Variants in SLC1A1 observed in about 807,000 individuals in gnomAD.
SLC1A1 encodes the protein excitatory amino acid transporter 3.
Under a neutral mutation model 53.3 loss-of-function variants are expected in SLC1A1, and 43 were observed. The ratio of observed to expected loss-of-function variants is 0.81; its 90% CI spans 0.63 to 1.04. The LOEUF is 1.04. Among genes scored for constraint, SLC1A1 ranks in the 50% least tolerant of loss-of-function variants. The pLI is 0.00. For synonymous variants in SLC1A1, 307 were observed against 243.2 expected (o/e 1.26, Z -2.44); for missense variants, 748 against 664.9 (o/e 1.12, Z -1.37).
In SLC1A1 at chr9:4,587,069, G is replaced by C. The variant is rs1821620533; in HGVS notation, c.*1511G>C. 1.3e-5 allele frequency: 2 copies of C among 152,574 alleles called. No homozygotes were observed. Among genetic ancestry groups the C allele is most frequent in the Non-Finnish European group, 2.9e-5 (2 of 68,022 alleles). 9.5% of individuals were successfully genotyped at this position (152,574 alleles called of 1,614,324 possible). On this transcript the variant is annotated 3_prime_UTR_variant, in exon 12 of 12. Transcript: ENST00000262352. ...CTTAAACCTGTGCTTTCATGTTTAA[G>C]AAATGAGAAATTGTGCCAAAGATAG...
chr9:4,525,522 T>C (rs1420986303), intron 1 of SLC1A1, among the ~76,000 whole-genome samples: 1 of 152,072 alleles, frequency 6.6e-6, no homozygotes, highest in Non-Finnish European at 1.5e-5. Context: ...AAAGACCCAG[T>C]AGGAGAATAG....
At chr9:4,565,281 T>C (rs181614411) in intron 4 of SLC1A1, among the ~76,000 whole-genome samples, 56 of 152,326 alleles carry the variant, frequency 3.7e-4, no homozygotes, top group African/African-American at 7.2e-4. Context: ...GCAGTAATTA[T>C]GATGATATTT....
At chr9:4,555,440 G>T (rs917622420) in intron 2 of SLC1A1, among the ~76,000 whole-genome samples, 3 of 152,166 alleles carry the variant, frequency 2.0e-5, no homozygotes, top group African/African-American at 7.2e-5. Context: ...TTTAAAACAT[G>T]CTATTGTTTA....
intron 1 of SLC1A1, among the ~76,000 whole-genome samples, chr9:4,539,269 G>GA (rs1236365333): frequency 6.6e-6 from 1 of 152,106 alleles, no homozygotes; most frequent in Non-Finnish European, 1.5e-5. Context: ...TTAGGACCTG[G>GA]AAAAAACGAG....
intron 1 of SLC1A1, among the ~76,000 whole-genome samples, chr9:4,502,556 T>G (rs1423981928): frequency 6.6e-6 from 1 of 151,556 alleles, no homozygotes; most frequent in Non-Finnish European, 1.5e-5. Context: ...TATCTCCCAT[T>G]TGACCCTCAG....
intron 5 of SLC1A1, among the ~76,000 whole-genome samples, 184 bp downstream of exon 5, chr9:4,566,273 G>A (rs1413048960): frequency 6.6e-6 from 1 of 152,180 alleles, no homozygotes; most frequent in Non-Finnish European, 1.5e-5. Context: ...CTGGCTCACA[G>A]TAAGGTGCAT....
chr9:4,534,276 G>GT (rs1816590131), intron 1 of SLC1A1, among the ~76,000 whole-genome samples: 1 of 152,182 alleles, frequency 6.6e-6, no homozygotes, highest in South Asian at 2.1e-4. Context: ...CCAGGAGCTG[G>GT]TTTTTTGAAA....
intron 1 of SLC1A1, among the ~76,000 whole-genome samples, chr9:4,503,424 A>G (rs1820700117): frequency 6.6e-6 from 1 of 152,002 alleles, no homozygotes; most frequent in East Asian, 1.9e-4. Flanking sequence ...CTCTCAGTCC[A>G]TTGGTGGCAA....
rs1821273011 is a variant in SLC1A1, at chr9:4,583,257, C to G, written c.1328+85C>G. 4.5e-6 allele frequency: 7 copies of G among 1,554,546 alleles called. No individual in the cohort carries two copies. Among genetic ancestry groups the G allele is most frequent in the Non-Finnish European group, 6.2e-6 (7 of 1,127,508 alleles). ...AGGCGCTGCAGTCTGTCATCATTCT[C>G]TCCTCAGATTGCCTAATGAGCCACC... On this transcript the variant is annotated intron_variant, in intron 11 of 11. Transcript: ENST00000262352. This position sits in a 1 kb window ranked among gnomAD's most constrained non-coding sequence, Gnocchi z 4.6.
intron 1 of SLC1A1, among the ~76,000 whole-genome samples, chr9:4,524,833 A>T (rs2130838771): frequency 6.6e-6 from 1 of 152,326 alleles, no homozygotes; most frequent in East Asian, 1.9e-4. Flanking sequence ...ACTCTTGAGT[A>T]TACTAATCCA....
intron 1 of SLC1A1, among the ~76,000 whole-genome samples, chr9:4,533,343 G>C (rs1359737546): frequency 6.6e-6 from 1 of 152,120 alleles, no homozygotes; most frequent in Non-Finnish European, 1.5e-5. Flanking sequence ...GACACAAATA[G>C]GCTCAAAATA....
At chr9:4,497,506 G>C (rs1228807568) in intron 1 of SLC1A1, among the ~76,000 whole-genome samples, 2 of 152,160 alleles carry the variant, frequency 1.3e-5, no homozygotes, top group African/African-American at 2.4e-5. Flanking sequence ...GAATTGCTGA[G>C]CCATTTATGA....
chr9:4,546,665 T>TA (rs1215669875), intron 2 of SLC1A1, among the ~76,000 whole-genome samples: 2 of 152,186 alleles, frequency 1.3e-5, no homozygotes, highest in Non-Finnish European at 2.9e-5. Context: ...AAAGATTCTT[T>TA]AAAAAAATGT....
chr9:4,557,644 T>C (rs1818543935), intron 2 of SLC1A1, among the ~76,000 whole-genome samples: 1 of 151,160 alleles, frequency 6.6e-6, no homozygotes, highest in Admixed American at 6.6e-5. Flanking sequence ...AAAATTAAAA[T>C]AGATTAATTA....
chr9:4,577,917 G>C (rs1026861784), intron 10 of SLC1A1, among the ~76,000 whole-genome samples: 9 of 152,212 alleles, frequency 5.9e-5, no homozygotes, highest in Non-Finnish European at 1.2e-4. Context: ...TTGGAGAAGA[G>C]CTAATGAATT....
Position 4,544,722 on chromosome 9 carries a change from C to G in SLC1A1, c.232+15C>G. The G allele has an allele frequency of 6.2e-7, 1 of 1,600,696 alleles. No individual in the cohort carries two copies. The highest frequency in any genetic ancestry group is 1.1e-5 in the South Asian group (1 of 90,794). ...CATGATTACAGGTACCTTGAGAAAACAGATGTTCTCTATATTAGTCCATTT... is the reference window on the plus strand; with the variant it reads ...CATGATTACAGGTACCTTGAGAAAAGAGATGTTCTCTATATTAGTCCATTT... On this transcript the variant is annotated intron_variant, in intron 2 of 11. Transcript: ENST00000262352.
intron 1 of SLC1A1, among the ~76,000 whole-genome samples, chr9:4,520,284 T>C (rs966999665): frequency 6.6e-6 from 1 of 152,202 alleles, no homozygotes; most frequent in African/African-American, 2.4e-5. Context: ...GTGCTATTAG[T>C]ATGATGATTA....
At chr9:4,509,964 G>C (rs1291790056) in intron 1 of SLC1A1, among the ~76,000 whole-genome samples, 1 of 152,156 alleles carries the variant, frequency 6.6e-6, no homozygotes, top group Admixed American at 6.5e-5. Flanking sequence ...CTTCCAAGTA[G>C]CTGGGATTAC....
In SLC1A1 at chr9:4,490,736, G is replaced by A; in HGVS notation, c.57G>A (p.Trp19Ter). Reference protein sequence around the residue: ...CEWKRFLKNNWVLLSTVAAVV... With the variant: ...CEWKRFLKNN ...GGAAGCGCTTCCTGAAGAATAACTG[G>A]GTGTTGCTGTCCACCGTGGCCGCGG... The change falls in exon 1 of 12, where the codon TGG becomes TGA. Residue 19 changes from tryptophan (W) to a stop codon, truncating the protein, a stop_gained. Coordinates refer to ENST00000262352, the MANE Select transcript of SLC1A1 (RefSeq NM_004170.6). LOFTEE classifies it high-confidence loss of function. 6.2e-7 allele frequency: 1 copy of A among 1,612,888 alleles called. No homozygotes were observed. The highest frequency in any genetic ancestry group is 8.5e-7 in the Non-Finnish European group (1 of 1,179,122).
Sources: gnomAD v4.1 joint callset for allele counts (sites outside exome capture counted in the v4.1 genomes callset) on GRCh38, gnomAD v4.1.1 for gene constraint, Gnocchi (gnomAD v3.1) non-coding constraint, MANE v1.5 for transcripts, NCBI Gene and HGNC (gene_info 2026-07-23, HGNC 2026-07-21) for gene names.